LBH: variants seen among roughly 807,000 people sequenced by gnomAD.
The protein encoded by LBH is protein LBH.
LBH carries 7 observed loss-of-function variants against 12.5 expected under a neutral mutation model. The ratio of observed to expected loss-of-function variants is 0.56; its 90% CI spans 0.32 to 1.05. The LOEUF (loss-of-function observed/expected upper bound fraction) is 1.05, where lower values mean the gene tolerates loss of function less well. Ranked by LOEUF, LBH falls within the 50% of genes least tolerant of loss-of-function variation. The pLI is 0.04. For missense variants in LBH, 119 were observed against 138.9 expected, an observed-to-expected ratio of 0.86 and a Z score of 0.72; for synonymous variants, 51 against 50.1, an observed-to-expected ratio of 1.02 and a Z score of -0.08.
At chr2:30,235,099 A>G (rs904369728) in intron 2 of LBH, among the ~76,000 whole-genome samples, 5 of 152,174 alleles carry the variant, frequency 3.3e-5, no homozygotes, top group African/African-American at 4.8e-5. Context: ...CTTGGAGATC[A>G]TCCTGTCTGG....
At chr2:30,240,668 A>C (rs1341470101) in intron 2 of LBH, among the ~76,000 whole-genome samples, 2 of 152,218 alleles carry the variant, frequency 1.3e-5, no homozygotes, top group Non-Finnish European at 2.9e-5. Flanking sequence ...ATCTTGAAGA[A>C]CAATTTCAAT....
chr2:30,235,201 T>A (rs955838897), intron 2 of LBH, among the ~76,000 whole-genome samples: 1 of 152,124 alleles, frequency 6.6e-6, no homozygotes, highest in Non-Finnish European at 1.5e-5. Context: ...CCCTGCTGCC[T>A]CTCTACTGCC....
chr2:30,231,892 C>T, intron 1 of LBH, 128 bp downstream of exon 1: 1 of 772,088 alleles, frequency 1.3e-6, no homozygotes, highest in Non-Finnish European at 1.8e-6. Flanking sequence ...AACCCGCCGC[C>T]CGAGCCCGTG....
chr2:30,240,590 C>T (rs968433912), intron 2 of LBH, among the ~76,000 whole-genome samples: 2 of 152,178 alleles, frequency 1.3e-5, no homozygotes, highest in African/African-American at 4.8e-5. Context: ...AGGAAGATAT[C>T]GTTATCAGCA....
At chr2:30,250,361 G>A (rs1160625651) in intron 2 of LBH, among the ~76,000 whole-genome samples, 1 of 151,964 alleles carries the variant, frequency 6.6e-6, no homozygotes, top group East Asian at 1.9e-4. Flanking sequence ...AGCTTGCAGA[G>A]CTGGTCATTA....
At chr2:30,252,601 G>C (rs1050663260) in intron 2 of LBH, among the ~76,000 whole-genome samples, 1 of 152,116 alleles carries the variant, frequency 6.6e-6, no homozygotes, top group Non-Finnish European at 1.5e-5. Context: ...GGCGGAGCTT[G>C]CAGTGAGCAG....
intron 2 of LBH, among the ~76,000 whole-genome samples, chr2:30,245,619 G>A (rs1677857270): frequency 6.6e-6 from 1 of 152,076 alleles, no homozygotes; most frequent in Non-Finnish European, 1.5e-5. Context: ...CAGCACAGAG[G>A]GATTACAGAC....
chr2:30,246,540 A>C (rs949230337), intron 2 of LBH, among the ~76,000 whole-genome samples: 3 of 152,218 alleles, frequency 2.0e-5, no homozygotes, highest in African/African-American at 7.2e-5. Flanking sequence ...AAAATGTTTA[A>C]TGAGAGGAGA....
chr2:30,234,756 A>C (rs1017476627), intron 2 of LBH, among the ~76,000 whole-genome samples: 6 of 152,200 alleles, frequency 3.9e-5, no homozygotes, highest in African/African-American at 1.2e-4. Context: ...AGTGTCTGGG[A>C]CAGATAAGGG....
intron 1 of LBH, chr2:30,232,358 T>C: frequency 9.3e-7 from 1 of 1,080,796 alleles, no homozygotes; most frequent in Non-Finnish European, 1.3e-6. Context: ...CGACGCACAT[T>C]GGTGGGGGCC....
chr2:30,247,585 G>A (rs1037657586), intron 2 of LBH, among the ~76,000 whole-genome samples: 1 of 152,106 alleles, frequency 6.6e-6, no homozygotes, highest in Non-Finnish European at 1.5e-5. Context: ...AGTAAGAATG[G>A]TGCTCCGTGG....
At chr2:30,244,949 GT>G (rs1386248949) in intron 2 of LBH, among the ~76,000 whole-genome samples, 1 of 152,054 alleles carries the variant, frequency 6.6e-6, no homozygotes, top group Non-Finnish European at 1.5e-5. Context: ...TTACCTTTGT[GT>G]TTAATAATTA....
rs563803308 is a variant in LBH, at chr2:30,232,368, C to G, written c.26+604C>G. The G allele has an allele frequency of 7.7e-6, 8 of 1,033,160 alleles. No homozygotes were observed. In the East Asian group the frequency reaches 2.4e-4, roughly 31 times the overall value. 64.0% of individuals were successfully genotyped at this position (1,033,160 alleles called of 1,614,324 possible). ...AAAACCGACGCACATTGGTGGGGGC[C>G]GGGACTGGGAGGAGCCGCCTTCGCC... On this transcript the variant is annotated intron_variant, in intron 1 of 2. Coordinates refer to ENST00000395323, the MANE Select transcript of LBH (RefSeq NM_030915.4).
At chr2:30,239,365 T>C (rs1677746549) in intron 2 of LBH, among the ~76,000 whole-genome samples, 1 of 152,158 alleles carries the variant, frequency 6.6e-6, no homozygotes, top group Non-Finnish European at 1.5e-5. Context: ...ACGAGGCCAT[T>C]CTGGGCATAA....
intron 2 of LBH, among the ~76,000 whole-genome samples, chr2:30,236,386 T>C (rs1010648414): frequency 6.6e-6 from 1 of 152,146 alleles, no homozygotes; most frequent in African/African-American, 2.4e-5. Flanking sequence ...CAGCACTGCC[T>C]GAGCAAAGGA....
At chr2:30,232,375 G>A in intron 1 of LBH, 2 of 942,978 alleles carry the variant, frequency 2.1e-6, no homozygotes, top group East Asian at 3.1e-5. Context: ...GGCCGGGACT[G>A]GGAGGAGCCG....
intron 2 of LBH, among the ~76,000 whole-genome samples, chr2:30,248,079 G>A (rs771404200): frequency 1.3e-5 from 2 of 152,202 alleles, no homozygotes; most frequent in African/African-American, 2.4e-5. Context: ...TGATGAGAGG[G>A]TAGCAGGTCC....
chr2:30,231,666 G>A lies in LBH; in HGVS notation c.-73G>A. 1.4e-6 allele frequency: 2 copies of A among 1,473,662 alleles called. No individual in the cohort carries two copies. The highest frequency in any genetic ancestry group is 1.9e-6 in the Non-Finnish European group (2 of 1,062,802). The allele number at this position is 1,473,662 out of a possible 1,614,324, so 91.3% of individuals were successfully genotyped here. ...CCGCCTGCCGTGCCCGTCTGCGCCCGTGTCATCCTCACTCGGGACGCAGGG... is the reference window on the plus strand; with the variant it reads ...CCGCCTGCCGTGCCCGTCTGCGCCCATGTCATCCTCACTCGGGACGCAGGG... On this transcript the variant is annotated 5_prime_UTR_variant, in exon 1 of 3. In the 5' UTR this introduces an upstream ATG that the reference lacks. Transcript: ENST00000395323.
At chr2:30,239,188 AC>A (rs1558386380) in intron 2 of LBH, among the ~76,000 whole-genome samples, 1 of 151,590 alleles carries the variant, frequency 6.6e-6, no homozygotes, top group Non-Finnish European at 1.5e-5. Context: ...TAGCTCGGAA[AC>A]CCCTTCTCTT....
Sources: allele counts gnomAD v4.1 joint callset (sites outside exome capture counted in the v4.1 genomes callset), GRCh38; gene constraint gnomAD v4.1.1; transcripts MANE v1.5; gene names NCBI Gene and HGNC (gene_info 2026-07-23, HGNC 2026-07-21).